The following APOL3 variants were observed in gnomAD, a reference collection of about 807,000 sequenced individuals.
APOL3 encodes the protein TNF-inducible protein CG12-1.
APOL3 carries 14 observed loss-of-function variants against 11.6 expected under a neutral mutation model. The observed-to-expected ratio is 1.21, with a 90% CI of 0.80 to 1.89. The LOEUF (loss-of-function observed/expected upper bound fraction) is 1.89. APOL3 is among the 40% of genes most tolerant of loss of function. The probability of loss-of-function intolerance (pLI) is 0.00; values close to 1 mark genes in which losing one functional copy is unlikely to be tolerated. For synonymous variants in APOL3, 192 were observed against 190.6 expected (o/e 1.01, Z -0.06); for missense variants, 483 against 492.1 (o/e 0.98, Z 0.17).
At chr22:36,148,555 A>G (rs1453472007) in intron 1 of APOL3, among the ~76,000 whole-genome samples, 7 of 152,148 alleles carry the variant, frequency 4.6e-5, no homozygotes, top group African/African-American at 1.4e-4. Context: ...ACGCTGAGTC[A>G]CTCTTTTCAC....
chr22:36,149,358 A>C (rs771955558), intron 1 of APOL3: 48 of 1,306,322 alleles, frequency 3.7e-5, no homozygotes, highest in Non-Finnish European at 4.7e-5. Flanking sequence ...ACACCAAGGC[A>C]GGGTCCTTTT....
intron 1 of APOL3, 91 bp from the exon 3 acceptor site, chr22:36,145,690 C>G (rs965112899): frequency 2.7e-6 from 4 of 1,503,226 alleles, no homozygotes; most frequent in East Asian, 4.6e-5. Flanking sequence ...TAATCCTCCT[C>G]AACCAGCTGT....
intron 1 of APOL3, among the ~76,000 whole-genome samples, chr22:36,147,586 T>C (rs2060267621): frequency 1.3e-5 from 2 of 152,204 alleles, no homozygotes; most frequent in Non-Finnish European, 2.9e-5. Context: ...GGGCGGCTCC[T>C]GAGCAGATGT....
At chr22:36,153,838 C>A (rs182971487) in intron 1 of APOL3, among the ~76,000 whole-genome samples, 20 of 152,208 alleles carry the variant, frequency 1.3e-4, no homozygotes, top group African/African-American at 4.8e-4. Context: ...TGATTTTATA[C>A]ACTTAGGGAG....
At chr22:36,149,807 G>A (rs1370893659) in intron 1 of APOL3, 1 of 455,878 alleles carries the variant, frequency 2.2e-6, no homozygotes, top group Non-Finnish European at 4.4e-6. Flanking sequence ...CCAAATCTGT[G>A]TCTTGCACTC....
At chr22:36,161,066 C>T, upstream of APOL3, 1 of 619,166 alleles carries the variant, frequency 1.6e-6, no homozygotes, top group South Asian at 1.9e-5. Context: ...ACTCCCCACC[C>T]CCAATAACAC....
At position 36,140,990 on chromosome 22, in the gene APOL3, T is replaced by C. The variant is rs889720686; in HGVS notation, c.*210A>G. ...TCTCCAGTCCCCTCTCCTCCCTTAT[T>C]CCAGGCTCCAGCATTCCTGCCTTCT... On this transcript the variant is annotated 3_prime_UTR_variant, in exon 3 of 3. Transcript: ENST00000349314. The C allele has an allele frequency of 1.7e-5, 11 of 655,524 alleles. No homozygotes were observed. The Admixed American group carries it at 1.8e-4, about 11-fold the overall frequency. 40.6% of individuals were successfully genotyped at this position (655,524 alleles called of 1,614,324 possible).
At chr22:36,142,971 C>T (rs2060056291) in intron 2 of APOL3, among the ~76,000 whole-genome samples, 1 of 152,192 alleles carries the variant, frequency 6.6e-6, no homozygotes, top group African/African-American at 2.4e-5. Context: ...CGCTCCTTAC[C>T]TGCCTTTAGT....
chr22:36,149,292 G>C, intron 1 of APOL3, 150 bp from the exon 2 acceptor site: 1 of 1,305,840 alleles, frequency 7.7e-7, no homozygotes, highest in South Asian at 1.2e-5. Flanking sequence ...CTGGGCCCCA[G>C]CCAGCTGGTA....
In APOL3 at chr22:36,149,375, T is replaced by C; in HGVS notation, c.224-3776A>G. 1.8e-5 allele frequency: 24 copies of C among 1,306,278 alleles called. 1 individual carries two copies. The highest frequency in any genetic ancestry group is 2.2e-5 in the Non-Finnish European group (22 of 989,782). The allele number at this position is 1,306,278 out of a possible 1,614,324, so 80.9% of individuals were successfully genotyped here. A position where few individuals can be genotyped will look rare whatever the true frequency, so the allele number is the denominator to read the frequency against. On this transcript the variant is annotated intron_variant, in intron 1 of 2. Coordinates refer to ENST00000349314, the Ensembl canonical transcript of APOL3. ...ACCAAGGCAGGGTCCTTTTGTCCTG[T>C]AGGGGTATGAAGAGAAGATAATCAG...
chr22:36,150,415 A>G (rs774093091), intron 1 of APOL3, among the ~76,000 whole-genome samples: 14 of 152,208 alleles, frequency 9.2e-5, no homozygotes, highest in Non-Finnish European at 1.8e-4. Flanking sequence ...GAGCCTATTA[A>G]GTGGGTACCA....
upstream of APOL3, chr22:36,164,703 C>T (rs2013815768): frequency 6.6e-6 from 1 of 152,208 alleles, no homozygotes; most frequent in African/African-American, 2.4e-5. Context: ...CAGACCCACA[C>T]CAGAATATCA....
chr22:36,151,548 C>T (rs900909975), intron 1 of APOL3, among the ~76,000 whole-genome samples: 5 of 151,700 alleles, frequency 3.3e-5, no homozygotes, highest in African/African-American at 1.2e-4. Context: ...AAAAGATAGG[C>T]AAGGAAGCTT....
chr22:36,158,973 G>A (rs1569529925), intron 1 of APOL3, among the ~76,000 whole-genome samples: 1 of 136,846 alleles, frequency 7.3e-6, no homozygotes, highest in Non-Finnish European at 1.7e-5. Flanking sequence ...GTGCGTGTGT[G>A]TGTGTGTGTG....
chr22:36,154,039 C>T (rs574952714), intron 1 of APOL3, among the ~76,000 whole-genome samples: 42 of 152,240 alleles, frequency 2.8e-4, no homozygotes, highest in African/African-American at 1.0e-3. Context: ...TTGTGGAGAC[C>T]AAAGTTTTAT....
intron 1 of APOL3, among the ~76,000 whole-genome samples, chr22:36,148,229 G>A (rs896238756): frequency 6.6e-6 from 1 of 152,230 alleles, no homozygotes; most frequent in Non-Finnish European, 1.5e-5. Context: ...TGAGATCATG[G>A]GAATGAGGCC....
At chr22:36,165,755 G>A (rs2013844332), upstream of APOL3, 1 of 152,060 alleles carries the variant, frequency 6.6e-6, no homozygotes, top group Non-Finnish European at 1.5e-5. Context: ...CTACAAGAGA[G>A]CAAAAAAGAG....
chr22:36,148,538 C>A (rs975623610), intron 1 of APOL3, among the ~76,000 whole-genome samples: 2 of 152,228 alleles, frequency 1.3e-5, no homozygotes, highest in African/African-American at 4.8e-5. Flanking sequence ...GGGCTCAGTT[C>A]AGTGGGACGC....
intron 1 of APOL3, chr22:36,149,984 A>AT (rs200989786): frequency 1.8e-5 from 8 of 435,746 alleles, no homozygotes; most frequent in Non-Finnish European, 3.2e-5. Flanking sequence ...TTAAAAAAAA[A>AT]TTTTTTTTAG....
Sources: gnomAD v4.1 joint callset for allele counts (sites outside exome capture counted in the v4.1 genomes callset) on GRCh38, gnomAD v4.1.1 for gene constraint, MANE v1.5 for transcripts, NCBI Gene and HGNC (gene_info 2026-07-23, HGNC 2026-07-21) for gene names.